The following NBEA variants were observed in gnomAD, a reference collection of about 807,000 sequenced individuals.
NBEA encodes neurobeachin.
Under a neutral mutation model 343.4 loss-of-function variants are expected in NBEA, and 44 were observed. The ratio of observed to expected loss-of-function variants is 0.13; its 90% CI spans 0.10 to 0.16. NBEA has a LOEUF of 0.16. NBEA is among the 10% of genes least tolerant of loss of function. The pLI is 1.00. For missense variants in NBEA, 2,555 were observed against 3,631.3 expected (o/e 0.70, Z 7.62); for synonymous variants, 1,175 against 1,238.7 (o/e 0.95, Z 1.08).
intron 38 of NBEA, among the ~76,000 whole-genome samples, chr13:35,422,419 A>G (rs1430149684): frequency 1.3e-5 from 2 of 150,198 alleles, no homozygotes; most frequent in Admixed American, 1.4e-4. Context: ...TGTCCTTGCG[A>G]TAGTCTGCTG....
intron 48 of NBEA, among the ~76,000 whole-genome samples, chr13:35,621,764 A>C (rs2083002891): frequency 6.6e-6 from 1 of 152,186 alleles, no homozygotes; most frequent in African/African-American, 2.4e-5. Context: ...CACTGCTTTA[A>C]TTAATAAACC....
At chr13:35,405,207 A>C (rs1456743562) in intron 38 of NBEA, among the ~76,000 whole-genome samples, 1 of 152,164 alleles carries the variant, frequency 6.6e-6, no homozygotes, top group Non-Finnish European at 1.5e-5. Flanking sequence ...AGTTGATGTA[A>C]TTACTATTTA....
chr13:35,421,361 A>G (rs867087187), intron 38 of NBEA, among the ~76,000 whole-genome samples: 2 of 152,074 alleles, frequency 1.3e-5, no homozygotes, highest in Middle Eastern at 3.4e-3. Flanking sequence ...TGTTTGCTCT[A>G]AGTATTACAT....
chr13:35,603,563 A>G (rs749076145), intron 47 of NBEA, among the ~76,000 whole-genome samples: 1 of 152,226 alleles, frequency 6.6e-6, no homozygotes, highest in Non-Finnish European at 1.5e-5. Context: ...GAGTGCCAAG[A>G]TGGTATAAGA....
intron 34 of NBEA, among the ~76,000 whole-genome samples, chr13:35,243,244 C>T (rs547055785): frequency 1.3e-5 from 2 of 151,830 alleles, no homozygotes; most frequent in South Asian, 2.1e-4. Context: ...ATGTAATCCA[C>T]ATGATAACCA....
chr13:35,628,971 C>T (rs1387384838), intron 49 of NBEA, among the ~76,000 whole-genome samples: 1 of 152,070 alleles, frequency 6.6e-6, no homozygotes, highest in African/African-American at 2.4e-5. Context: ...AGACAGAATA[C>T]TCAAAAACAT....
chr13:34,993,668 C>G (rs1480080632), intron 1 of NBEA, among the ~76,000 whole-genome samples: 1 of 152,112 alleles, frequency 6.6e-6, no homozygotes, highest in Non-Finnish European at 1.5e-5. Flanking sequence ...TTGAGTATGA[C>G]CCCTGGTTAC....
At chr13:35,086,557 T>A (rs1408867583) in intron 10 of NBEA, among the ~76,000 whole-genome samples, 1 of 151,952 alleles carries the variant, frequency 6.6e-6, no homozygotes, top group Non-Finnish European at 1.5e-5. Flanking sequence ...GCCATTTGCC[T>A]GTTGATGGAA....
chr13:34,985,311 C>T (rs868809374), intron 1 of NBEA, among the ~76,000 whole-genome samples: 1 of 150,810 alleles, frequency 6.6e-6, no homozygotes, highest in South Asian at 2.1e-4. Context: ...TGGTTTTTGT[C>T]GTTGGTTCTG....
chr13:35,241,937 A>G (rs2030369827), intron 34 of NBEA, among the ~76,000 whole-genome samples: 1 of 151,870 alleles, frequency 6.6e-6, no homozygotes, highest in African/African-American at 2.4e-5. Flanking sequence ...CTTGCTTGCA[A>G]CATTCTCACT....
intron 32 of NBEA, among the ~76,000 whole-genome samples, chr13:35,210,726 TAA>T (rs1031850309): frequency 3.9e-5 from 6 of 152,262 alleles, no homozygotes; most frequent in Admixed American, 2.0e-4. Context: ...TATAAAAAGA[TAA>T]GTTTTTCACC....
intron 17 of NBEA, among the ~76,000 whole-genome samples, chr13:35,125,990 GA>G (rs368296187): frequency 2.6e-4 from 39 of 149,166 alleles, no homozygotes; most frequent in African/African-American, 3.9e-4. Context: ...TCCATATCTG[GA>G]AAAAAAAAAT....
chr13:35,013,353 A>G (rs2061548052), intron 1 of NBEA, among the ~76,000 whole-genome samples: 1 of 152,226 alleles, frequency 6.6e-6, no homozygotes, highest in Admixed American at 6.5e-5. Flanking sequence ...GGAATAGGAA[A>G]AAATATAAAG....
rs540325979 is a variant in NBEA, at chr13:34,983,634, A to G, written c.294+40520A>G. On this transcript the variant is annotated intron_variant, in intron 1 of 58. Transcript: ENST00000379939. ...AATGGTTGAACTAGTTTACACTCTC[A>G]CCAACAGTGTAAAATTATTCCTATT... Among the ~76,000 whole-genome samples the G allele has an allele frequency of 3.8e-3, 577 of 152,254 alleles. 3 individuals carry two copies. Among genetic ancestry groups the G allele is most frequent in the African/African-American group, 0.013 (557 of 41,536 alleles).
intron 36 of NBEA, among the ~76,000 whole-genome samples, chr13:35,317,840 C>A (rs888356829): frequency 2.0e-4 from 30 of 151,978 alleles, no homozygotes; most frequent in African/African-American, 7.0e-4. Context: ...GAGTTGTATT[C>A]CTAGGTATTA....
chr13:35,021,222 C>T (rs369492486), intron 1 of NBEA, among the ~76,000 whole-genome samples: 4 of 152,044 alleles, frequency 2.6e-5, no homozygotes, highest in Admixed American at 2.6e-4. Context: ...TGGTGGCACA[C>T]CTTGTCTTTA....
At chr13:35,241,668 T>C (rs1246250311) in intron 34 of NBEA, among the ~76,000 whole-genome samples, 1 of 151,630 alleles carries the variant, frequency 6.6e-6, no homozygotes, top group African/African-American at 2.4e-5. Flanking sequence ...AAAGAAAAAA[T>C]GAATGTACAA....
chr13:35,584,729 AC>A (rs544107681), intron 46 of NBEA, among the ~76,000 whole-genome samples: 166 of 152,070 alleles, frequency 1.1e-3, no homozygotes, highest in African/African-American at 3.6e-3. Flanking sequence ...TGAACTCCTG[AC>A]CTCAGGTGAT....
intron 34 of NBEA, among the ~76,000 whole-genome samples, chr13:35,249,679 A>G (rs960702836): frequency 2.6e-5 from 4 of 152,230 alleles, no homozygotes; most frequent in Non-Finnish European, 5.9e-5. Context: ...TTGTCAGAAA[A>G]TAAAAAATAG....
Sources: gnomAD v4.1 joint callset for allele counts (sites outside exome capture counted in the v4.1 genomes callset) on GRCh38, gnomAD v4.1.1 for gene constraint, MANE v1.5 for transcripts, NCBI Gene and HGNC (gene_info 2026-07-23, HGNC 2026-07-21) for gene names.